Variants in ALPK2 observed in about 807,000 individuals in gnomAD.
ALPK2 encodes the protein alpha kinase 2.
ALPK2 carries 127 observed loss-of-function variants against 163.1 expected under a neutral mutation model. The ratio of observed to expected loss-of-function variants is 0.78; its 90% CI spans 0.67 to 0.90. The LOEUF is 0.90. Among genes scored for constraint, ALPK2 ranks in the 40% least tolerant of loss-of-function variants. The pLI, the probability that ALPK2 is intolerant of heterozygous loss-of-function variation, is 0.00. For synonymous variants in ALPK2, 953 were observed against 959.1 expected (o/e 0.99, Z 0.12); for missense variants, 2,360 against 2,589.6 (o/e 0.91, Z 1.92).
chr18:58,573,925 A>C (rs543724042), intron 4 of ALPK2, among the ~76,000 whole-genome samples: 18 of 152,266 alleles, frequency 1.2e-4, no homozygotes, highest in Admixed American at 1.0e-3. Context: ...AATTCCAGAC[A>C]GAAAGATGGA....
intron 10 of ALPK2, among the ~76,000 whole-genome samples, chr18:58,508,834 G>C (rs1350428463): frequency 6.6e-6 from 1 of 151,840 alleles, no homozygotes; most frequent in African/African-American, 2.4e-5. Context: ...CCTCTGTTGG[G>C]GTCTGGATTG....
At chr18:58,576,471 A>G (rs1367173352) in intron 4 of ALPK2, among the ~76,000 whole-genome samples, 1 of 152,232 alleles carries the variant, frequency 6.6e-6, no homozygotes, top group Non-Finnish European at 1.5e-5. Context: ...TAAACCTCAA[A>G]TGTCTGAGAA....
rs1568077044 is a variant in ALPK2, at chr18:58,534,932, G to C, written c.5255C>G (p.Ser1752Ter). The C allele has an allele frequency of 6.2e-7, 1 of 1,614,020 alleles. No homozygotes were observed. ...TTTGGGCATCTTTTTAAGAAAGGCT[G>C]AGTTCTTTCTGATATTTTCCTTTTC... ...LEEKENIRKNSAFLKKMPKLE... is the reference protein window; with the variant it reads ...LEEKENIRKN Residue 1752 changes from serine to a stop codon, truncating the protein, a stop_gained, in exon 5 of 13, where the codon TCA becomes TGA. Coordinates refer to ENST00000361673, the MANE Select transcript of ALPK2 (RefSeq NM_052947.4). LOFTEE classifies it high-confidence loss of function.
At chr18:58,619,122 T>C (rs574936081) in intron 1 of ALPK2, among the ~76,000 whole-genome samples, 32 of 152,338 alleles carry the variant, frequency 2.1e-4, no homozygotes, top group African/African-American at 7.0e-4. Flanking sequence ...TATCCAAAGA[T>C]GGTTTCTGTA....
intron 8 of ALPK2, among the ~76,000 whole-genome samples, chr18:58,520,472 T>C (rs929987462): frequency 7.0e-6 from 1 of 143,532 alleles, no homozygotes; most frequent in Admixed American, 7.0e-5. Flanking sequence ...GAGAGACTCA[T>C]TGGAATCCAC....
At chr18:58,601,062 C>T (rs1326375680) in intron 3 of ALPK2, among the ~76,000 whole-genome samples, 2 of 152,170 alleles carry the variant, frequency 1.3e-5, no homozygotes, top group Non-Finnish European at 2.9e-5. Context: ...TCGAGACCAG[C>T]CTGGCCAACA....
intron 4 of ALPK2, 91 bp downstream of exon 4, chr18:58,578,723 T>TA (rs1193969235): frequency 5.6e-6 from 1 of 177,088 alleles, no homozygotes; most frequent in East Asian, 2.7e-4. Flanking sequence ...GAATGTGAAG[T>TA]AAAGGAAGAG....
chr18:58,622,844 G>A (rs1330656823), intron 1 of ALPK2, among the ~76,000 whole-genome samples: 4 of 152,170 alleles, frequency 2.6e-5, no homozygotes, highest in East Asian at 1.9e-4. Context: ...CTCCAAAGCC[G>A]CTCCAACTAA....
At chr18:58,550,173 C>A (rs1218396630) in intron 4 of ALPK2, among the ~76,000 whole-genome samples, 1 of 152,036 alleles carries the variant, frequency 6.6e-6, no homozygotes, top group African/African-American at 2.4e-5. Context: ...AAATACAAAA[C>A]CTATTTATTT....
At chr18:58,600,027 C>CTTTTTTTTTTT (rs1166291584) in intron 3 of ALPK2, among the ~76,000 whole-genome samples, 3 of 66,860 alleles carry the variant, frequency 4.5e-5, no homozygotes, top group Non-Finnish European at 7.7e-5. Flanking sequence ...ATGGGGATAT[C>CTTTTTTTTTTT]TTTTTTTTTT....
intron 6 of ALPK2, among the ~76,000 whole-genome samples, chr18:58,526,924 C>CT (rs1011603317): frequency 6.6e-6 from 1 of 152,218 alleles, no homozygotes; most frequent in Admixed American, 6.5e-5. Context: ...CACTCAGACA[C>CT]TTTAAGTTAC....
rs2051816768 is a variant in ALPK2, at chr18:58,559,872, T to C, written c.1962+18942A>G. 2.6e-5 allele frequency among the ~76,000 whole-genome samples: 4 copies of C among 152,338 alleles called. No individual in the cohort carries two copies. The South Asian group carries it at 8.3e-4, about 32-fold the overall frequency. On this transcript the variant is annotated intron_variant, in intron 4 of 12. Transcript: ENST00000361673. ...TGCCTTCAAGCATGTTATTTTGAAATTACCTACTCTGTCTGTTTCTGATAA... is the reference window on the plus strand; with the variant it reads ...TGCCTTCAAGCATGTTATTTTGAAACTACCTACTCTGTCTGTTTCTGATAA...
At chr18:58,580,587 TG>T in intron 3 of ALPK2, 39 bp from the exon 4 acceptor site, 1 of 1,518,818 alleles carries the variant, frequency 6.6e-7, no homozygotes. Context: ...TTGCCACATT[TG>T]GACATGCATG....
At position 58,535,580 on chromosome 18, in the gene ALPK2, G is replaced by A. The variant is rs772550142; in HGVS notation, c.4607C>T (p.Ser1536Phe). Residue 1536 changes from serine to phenylalanine, a missense_variant, in exon 5 of 13, where the codon TCC becomes TTC. Coordinates refer to ENST00000361673, the MANE Select transcript of ALPK2 (RefSeq NM_052947.4). ...QSKKDKAELI[S>F]PTSPLSSCLP... ...ACAACTAGAAAGAGGTGAAGTGGGGGAAATCAATTCTGCTTTGTCCTTTTT... is the reference window on the plus strand; with the variant it reads ...ACAACTAGAAAGAGGTGAAGTGGGGAAAATCAATTCTGCTTTGTCCTTTTT... 5.0e-6 allele frequency: 8 copies of A among 1,614,188 alleles called. No individual in the cohort carries two copies. The highest frequency in any genetic ancestry group is 6.8e-6 in the Non-Finnish European group (8 of 1,180,032).
At chr18:58,553,841 TTTTTTTTGG>T (rs2051772427) in intron 4 of ALPK2, among the ~76,000 whole-genome samples, 1 of 137,870 alleles carries the variant, frequency 7.3e-6, no homozygotes, top group Admixed American at 8.1e-5. Flanking sequence ...AGTTGGGGTT[TTTTTTTTGG>T]TTTTTTTTTT....
At chr18:58,508,809 G>A (rs62094714) in intron 10 of ALPK2, among the ~76,000 whole-genome samples, 23,905 of 151,988 alleles carry the variant, frequency 0.16, 2,029 homozygotes, top group Non-Finnish European at 0.19. Context: ...TATTTCTTGC[G>A]TGAGATCCAA....
chr18:58,602,044 C>T (rs1249686140), intron 3 of ALPK2, among the ~76,000 whole-genome samples: 3 of 152,162 alleles, frequency 2.0e-5, no homozygotes, highest in African/African-American at 7.2e-5. Context: ...TACCAAATGT[C>T]CCCTGGGGGA....
In ALPK2 at chr18:58,580,322, T is replaced by A; in HGVS notation, c.454A>T (p.Ser152Cys). 2.5e-6 allele frequency: 4 copies of A among 1,614,154 alleles called. No individual in the cohort carries two copies. Among genetic ancestry groups the A allele is most frequent in the Non-Finnish European group, 3.4e-6 (4 of 1,180,020 alleles). The change falls in exon 4 of 13, where the codon AGC (serine) becomes TGC (cysteine). Residue 152 changes from serine to cysteine, a missense_variant. Coordinates refer to ENST00000361673, the MANE Select transcript of ALPK2 (RefSeq NM_052947.4). ...EKEHPYKEEE[S>C]ISPGTPRSAD... ...GACCTGGGAGTGCCCGGGGAGATGC[T>A]TTCTTCTTCCTTATAAGGATGTTCC...
At chr18:58,625,810 G>C (rs180827084) in intron 1 of ALPK2, among the ~76,000 whole-genome samples, 2 of 152,334 alleles carry the variant, frequency 1.3e-5, no homozygotes, top group Admixed American at 1.3e-4. Context: ...CTGAACTCTC[G>C]GAATTGAGCT....
Sources: gnomAD v4.1 joint callset for allele counts (sites outside exome capture counted in the v4.1 genomes callset) on GRCh38, gnomAD v4.1.1 for gene constraint, MANE v1.5 for transcripts, NCBI Gene and HGNC (gene_info 2026-07-23, HGNC 2026-07-21) for gene names.